Variants in PRKCA observed in about 807,000 individuals in gnomAD.
PRKCA encodes protein kinase C alpha type.
PRKCA carries 27 observed loss-of-function variants against 87.0 expected under a neutral mutation model. The observed-to-expected ratio is 0.31, with a 90% CI of 0.23 to 0.43. PRKCA has a LOEUF of 0.43. Ranked by LOEUF, PRKCA falls within the 20% of genes least tolerant of loss-of-function variation. PRKCA has a pLI of 1.00. For missense variants in PRKCA, 518 were observed against 852.3 expected (o/e 0.61, Z 4.88); for synonymous variants, 329 against 311.1 (o/e 1.06, Z -0.61).
intron 2 of PRKCA, among the ~76,000 whole-genome samples, chr17:66,376,737 C>A (rs888976608): frequency 3.9e-5 from 6 of 152,118 alleles, no homozygotes; most frequent in African/African-American, 1.4e-4. Context: ...ATATGCATAT[C>A]TGGGGAGCCG....
chr17:66,786,218 T>G (rs1295939018), intron 14 of PRKCA, among the ~76,000 whole-genome samples: 2 of 152,214 alleles, frequency 1.3e-5, no homozygotes, highest in Non-Finnish European at 2.9e-5. Context: ...CAGATCCACC[T>G]GACTCTAAAG....
chr17:66,700,690 G>A (rs112403905), intron 8 of PRKCA, among the ~76,000 whole-genome samples: 7,715 of 152,198 alleles, frequency 0.051, 268 homozygotes, highest in Non-Finnish European at 0.071. Context: ...AAACAATTGT[G>A]TTTACAGTAG....
At chr17:66,716,119 G>T (rs1973466734) in intron 8 of PRKCA, among the ~76,000 whole-genome samples, 1 of 151,492 alleles carries the variant, frequency 6.6e-6, no homozygotes, top group Non-Finnish European at 1.5e-5. Flanking sequence ...ATTCTTGCTT[G>T]CACTGGGCCC....
intron 2 of PRKCA, among the ~76,000 whole-genome samples, chr17:66,357,380 G>C (rs1908126763): frequency 6.6e-6 from 1 of 152,172 alleles, no homozygotes; most frequent in South Asian, 2.1e-4. Flanking sequence ...GCTTTGAGTT[G>C]TTAAGAATAA....
At chr17:66,338,807 C>T (rs916231542) in intron 2 of PRKCA, among the ~76,000 whole-genome samples, 1 of 152,174 alleles carries the variant, frequency 6.6e-6, no homozygotes, top group African/African-American at 2.4e-5. Flanking sequence ...TTTCATACAG[C>T]GGTGTCTCAG....
At chr17:66,542,616 G>A (rs1389902342) in intron 3 of PRKCA, among the ~76,000 whole-genome samples, 1 of 152,054 alleles carries the variant, frequency 6.6e-6, no homozygotes, top group East Asian at 1.9e-4. Flanking sequence ...CAGGAAGTGT[G>A]AGAATTCTTC....
At chr17:66,685,202 AT>A (rs889113523) in intron 5 of PRKCA, among the ~76,000 whole-genome samples, 5 of 152,120 alleles carry the variant, frequency 3.3e-5, no homozygotes, top group African/African-American at 4.8e-5. Flanking sequence ...CATGTAAGGT[AT>A]TTTATAAACA....
chr17:66,581,502 G>A (rs979737528), intron 3 of PRKCA, among the ~76,000 whole-genome samples: 9 of 152,092 alleles, frequency 5.9e-5, no homozygotes, highest in Non-Finnish European at 1.0e-4. Flanking sequence ...TTGAGACAGA[G>A]TCTCTCTCTG....
chr17:66,330,039 C>G (rs1906230456), intron 2 of PRKCA, among the ~76,000 whole-genome samples: 4 of 152,002 alleles, frequency 2.6e-5, no homozygotes, highest in Admixed American at 2.6e-4. Context: ...AACCCATTCC[C>G]TCTGCTGGTC....
rs545065232 is a variant in PRKCA at position 66,628,330 on chromosome 17, CA to C, written c.289-13024del. The stretch of plus-strand genomic sequence containing the variant: ...TATTCATAACAGTGAAAAACAAAAT[CA>C]CCTGAATGTTTAGGAATTGGGGGTT... On this transcript the variant is annotated intron_variant, in intron 3 of 16. Coordinates refer to ENST00000413366, the MANE Select transcript of PRKCA (RefSeq NM_002737.3). Among the ~76,000 whole-genome samples, 17 of 152,176 alleles carry C rather than the reference CA, an allele frequency of 1.1e-4. No homozygotes were observed. In the East Asian group the frequency reaches 2.9e-3, roughly 26 times the overall value.
intron 2 of PRKCA, among the ~76,000 whole-genome samples, chr17:66,363,667 A>G (rs1342417202): frequency 6.6e-6 from 1 of 151,902 alleles, no homozygotes; most frequent in Non-Finnish European, 1.5e-5. Context: ...CGGGGTGGAT[A>G]TAGAAATGGA....
chr17:66,341,268 A>G (rs886243040), intron 2 of PRKCA, among the ~76,000 whole-genome samples: 7 of 152,198 alleles, frequency 4.6e-5, no homozygotes, highest in African/African-American at 1.7e-4. Flanking sequence ...TGGGCAGCAG[A>G]CAGTAAATAT....
chr17:66,394,052 G>A (rs1434550108), intron 2 of PRKCA, among the ~76,000 whole-genome samples: 1 of 152,046 alleles, frequency 6.6e-6, no homozygotes, highest in Non-Finnish European at 1.5e-5. Flanking sequence ...TCCAGTCTGG[G>A]TGACAGACTG....
chr17:66,770,571 G>T (rs188419167), intron 13 of PRKCA, among the ~76,000 whole-genome samples: 26 of 152,322 alleles, frequency 1.7e-4, no homozygotes, highest in Admixed American at 1.1e-3. Context: ...GATCAGCAAT[G>T]CCCCCTGACT....
At chr17:66,363,237 C>G (rs1161967266) in intron 2 of PRKCA, among the ~76,000 whole-genome samples, 1 of 152,192 alleles carries the variant, frequency 6.6e-6, no homozygotes, top group Non-Finnish European at 1.5e-5. Context: ...GCATGTCTAT[C>G]TGTGTGTGTT....
At chr17:66,745,665 A>G (rs1489484202) in intron 13 of PRKCA, among the ~76,000 whole-genome samples, 1 of 152,206 alleles carries the variant, frequency 6.6e-6, no homozygotes, top group Non-Finnish European at 1.5e-5. Context: ...TGGGCAACGG[A>G]GTGAGACACC....
rs938079882 is a variant in PRKCA at position 66,806,215 on chromosome 17, T to C, written c.*2178T>C. On this transcript the variant is annotated 3_prime_UTR_variant, in exon 17 of 17. Transcript: ENST00000413366. ...GAAGCATCTCCCAGCTAAGCTCGCA[T>C]TATTTTTCTCCTCTGGCTGTTTGCC... 5.3e-5 allele frequency: 8 copies of C among 152,306 alleles called. No individual in the cohort carries two copies. Among genetic ancestry groups the C allele is most frequent in the African/African-American group, 1.9e-4 (8 of 41,466 alleles). 9.4% of individuals were successfully genotyped at this position (152,306 alleles called of 1,614,324 possible).
At chr17:66,690,079 G>A (rs900216939) in intron 8 of PRKCA, among the ~76,000 whole-genome samples, 1 of 151,910 alleles carries the variant, frequency 6.6e-6, no homozygotes, top group Non-Finnish European at 1.5e-5. Flanking sequence ...GTCTTGGGGG[G>A]ATAATAAACC....
intron 5 of PRKCA, among the ~76,000 whole-genome samples, chr17:66,683,616 G>A (rs560433024): frequency 6.6e-4 from 100 of 152,104 alleles, no homozygotes; most frequent in Admixed American, 2.2e-3. Flanking sequence ...GGGGGGGTCG[G>A]GGGGATAGAG....
Sources: gnomAD v4.1 joint callset for allele counts (sites outside exome capture counted in the v4.1 genomes callset) on GRCh38, gnomAD v4.1.1 for gene constraint, MANE v1.5 for transcripts, NCBI Gene and HGNC (gene_info 2026-07-23, HGNC 2026-07-21) for gene names.